The following CNTN4 variants were observed in gnomAD, a reference collection of about 807,000 sequenced individuals.
CNTN4 encodes contactin 4, also known as contactin-4.
Under a neutral mutation model 122.5 loss-of-function variants are expected in CNTN4, and 77 were observed. The observed-to-expected ratio is 0.63, with a 90% confidence interval of 0.52 to 0.76. The LOEUF (loss-of-function observed/expected upper bound fraction) is 0.76. Ranked by LOEUF, CNTN4 falls within the 30% of genes least tolerant of loss-of-function variation. The pLI is 0.00. For missense variants in CNTN4, 1,256 were observed against 1,259.1 expected, an observed-to-expected ratio of 1.00 and a Z score of 0.04; for synonymous variants, 512 against 447.0, an observed-to-expected ratio of 1.15 and a Z score of -1.83.
intron 2 of CNTN4, among the ~76,000 whole-genome samples, chr3:2,218,056 CA>C (rs1277954025): frequency 6.6e-6 from 1 of 152,076 alleles, no homozygotes; most frequent in Admixed American, 6.6e-5. Context: ...ATGAGAAAAA[CA>C]GGCACGTGAA....
chr3:2,277,593 G>T (rs969205644), intron 2 of CNTN4, among the ~76,000 whole-genome samples: 2 of 152,136 alleles, frequency 1.3e-5, no homozygotes, highest in African/African-American at 4.8e-5. Flanking sequence ...GGTACTTTGT[G>T]TTGCATATCC....
At chr3:2,322,873 C>A (rs2043318246) in intron 2 of CNTN4, among the ~76,000 whole-genome samples, 1 of 151,884 alleles carries the variant, frequency 6.6e-6, no homozygotes, top group Non-Finnish European at 1.5e-5. Context: ...TGCTCTTTTC[C>A]TATTTAACAT....
chr3:2,823,168 C>A (rs1441376044), intron 7 of CNTN4, among the ~76,000 whole-genome samples: 1 of 152,148 alleles, frequency 6.6e-6, no homozygotes, highest in Non-Finnish European at 1.5e-5. Flanking sequence ...CGAGAAGAAT[C>A]ACTGTGAGCT....
At chr3:2,630,648 T>C (rs1002643280) in intron 4 of CNTN4, among the ~76,000 whole-genome samples, 1 of 152,078 alleles carries the variant, frequency 6.6e-6, no homozygotes, top group African/African-American at 2.4e-5. Flanking sequence ...TCTGTAATTA[T>C]AGTAAAATTT....
At chr3:2,603,936 T>C (rs564717122) in intron 4 of CNTN4, among the ~76,000 whole-genome samples, 3 of 152,290 alleles carry the variant, frequency 2.0e-5, no homozygotes, top group South Asian at 4.1e-4. Context: ...CCAAGGTGAA[T>C]TGGCAGAGGG....
Position 2,296,913 on chromosome 3 carries a change from T to C in CNTN4, c.-144-42265T>C, listed in dbSNP as rs577053187. Among the ~76,000 whole-genome samples, 8 of 152,316 alleles carry C rather than the reference T, an allele frequency of 5.3e-5. No homozygotes were observed. The South Asian group carries it at 1.7e-3, about 32-fold the overall frequency. ...TAGTATTCTAAAAGTTCTATTGAAT[T>C]ATTTTAAACCATGTTATTTCTATTT... On this transcript the variant is annotated intron_variant, in intron 2 of 24. Coordinates refer to ENST00000418658, the MANE Select transcript of CNTN4 (RefSeq NM_175607.3).
chr3:2,745,752 T>G, intron 6 of CNTN4, 55 bp downstream of exon 6: 4 of 1,500,368 alleles, frequency 2.7e-6, no homozygotes, highest in Non-Finnish European at 3.7e-6. Flanking sequence ...TGTACCATTA[T>G]ACCAATAAGC....
intron 12 of CNTN4, among the ~76,000 whole-genome samples, chr3:2,921,571 G>A (rs765034290): frequency 3.8e-4 from 58 of 152,298 alleles, no homozygotes; most frequent in Middle Eastern, 3.4e-3. Flanking sequence ...AGTAGACAAC[G>A]GTTAAAGTAA....
At chr3:2,110,739 G>GGTT (rs5846165) in intron 2 of CNTN4, 86,065 of 151,228 alleles carry the variant, frequency 0.57, 25,654 homozygotes, top group Admixed American at 0.67. Flanking sequence ...CCTTTTTTTT[G>GGTT]GTTGTTGTTG....
chr3:2,896,041 T>C (rs187769998), intron 10 of CNTN4, among the ~76,000 whole-genome samples: 1 of 151,718 alleles, frequency 6.6e-6, no homozygotes, highest in African/African-American at 2.4e-5. Context: ...TCAAAAAAAA[T>C]AAATAAATAA....
At chr3:2,431,736 T>C (rs1003396908) in intron 3 of CNTN4, among the ~76,000 whole-genome samples, 7 of 152,196 alleles carry the variant, frequency 4.6e-5, no homozygotes, top group Non-Finnish European at 8.8e-5. Flanking sequence ...TGTGCAAATT[T>C]ATTATTATGT....
chr3:2,527,028 A>G (rs1414923198), intron 3 of CNTN4, among the ~76,000 whole-genome samples: 2 of 152,160 alleles, frequency 1.3e-5, no homozygotes, highest in Non-Finnish European at 2.9e-5. Flanking sequence ...CAGAAAACGT[A>G]GAAGACAGAT....
intron 3 of CNTN4, among the ~76,000 whole-genome samples, chr3:2,479,247 T>G (rs547141491): frequency 1.3e-5 from 2 of 152,332 alleles, no homozygotes; most frequent in East Asian, 3.9e-4. Flanking sequence ...TTTATCTTTT[T>G]GACCCAGGAA....
chr3:2,683,327 TACACACACAC>T (rs10601751), intron 4 of CNTN4, among the ~76,000 whole-genome samples: 2 of 149,270 alleles, frequency 1.3e-5, no homozygotes, highest in African/African-American at 2.5e-5. Context: ...TGCACACATG[TACACACACAC>T]ACACACACAC....
At chr3:2,785,899 C>CCA in intron 6 of CNTN4, among the ~76,000 whole-genome samples, 1 of 126,836 alleles carries the variant, frequency 7.9e-6, no homozygotes, top group East Asian at 3.0e-4. Context: ...CACGCTGCCC[C>CCA]CCCCCGCCCC....
intron 2 of CNTN4, among the ~76,000 whole-genome samples, chr3:2,196,064 C>T (rs536296686): frequency 5.9e-5 from 9 of 152,242 alleles, no homozygotes; most frequent in African/African-American, 1.4e-4. Flanking sequence ...GGTCCTATAA[C>T]CCATGGTATC....
At chr3:2,179,512 A>G (rs1575014834) in intron 2 of CNTN4, among the ~76,000 whole-genome samples, 1 of 151,890 alleles carries the variant, frequency 6.6e-6, no homozygotes, top group South Asian at 2.1e-4. Flanking sequence ...AAAAAATATT[A>G]CCCTATTAAG....
rs111381017 is a variant in CNTN4, at chr3:2,359,732, G to A, written c.-89+20499G>A. On this transcript the variant is annotated intron_variant, in intron 3 of 24. Transcript: ENST00000418658. ...TTTTTTGTATTTTTAGTAGAGACAGGGTTTCATCGTCTTAGCCAGGAAGGT... is the reference window on the plus strand; with the variant it reads ...TTTTTTGTATTTTTAGTAGAGACAGAGTTTCATCGTCTTAGCCAGGAAGGT... Among the ~76,000 whole-genome samples the A allele has an allele frequency of 1.1e-3, 160 of 152,154 alleles. 4 individuals are homozygous for A. Among genetic ancestry groups the A allele is most frequent in the African/African-American group, 3.7e-3 (155 of 41,524 alleles).
At chr3:2,818,535 T>C (rs951356468) in intron 6 of CNTN4, among the ~76,000 whole-genome samples, 1 of 152,216 alleles carries the variant, frequency 6.6e-6, no homozygotes, top group Non-Finnish European at 1.5e-5. Context: ...TAAAATGTTA[T>C]TAAATCAAAT....
Sources: gnomAD v4.1 joint callset for allele counts (sites outside exome capture counted in the v4.1 genomes callset) on GRCh38, gnomAD v4.1.1 for gene constraint, MANE v1.5 for transcripts, NCBI Gene and HGNC (gene_info 2026-07-23, HGNC 2026-07-21) for gene names.